The following SLC8A1 variants were observed in gnomAD, a reference collection of about 807,000 sequenced individuals.
SLC8A1 encodes the protein sodium/calcium exchanger 1.
In SLC8A1, 18 loss-of-function variants were observed where a neutral mutation model predicts 68.3. The observed-to-expected ratio is 0.26, with a 90% CI of 0.18 to 0.39. SLC8A1 has a LOEUF of 0.39. SLC8A1 is among the 10% of genes least tolerant of loss of function. The probability of loss-of-function intolerance (pLI) is 1.00; values close to 1 mark genes in which losing one functional copy is unlikely to be tolerated. For synonymous variants in SLC8A1, 475 were observed against 415.5 expected (o/e 1.14, Z -1.74); for missense variants, 985 against 1,156.7 (o/e 0.85, Z 2.15).
At chr2:40,278,542 T>C (rs1409829616) in intron 2 of SLC8A1, among the ~76,000 whole-genome samples, 2 of 150,130 alleles carry the variant, frequency 1.3e-5, no homozygotes, top group Admixed American at 1.3e-4. Flanking sequence ...AAGGGGAGAG[T>C]AGAGTAACTT....
chr2:40,249,339 T>C (rs1014477115), intron 2 of SLC8A1, among the ~76,000 whole-genome samples: 2 of 152,204 alleles, frequency 1.3e-5, no homozygotes, highest in African/African-American at 4.8e-5. Context: ...AGAACAGTGG[T>C]TGCAAAACTT....
rs1458243759 is a variant in SLC8A1 at position 40,446,518 on chromosome 2, C to CT, written c.-25+5385dup. On this transcript the variant is annotated intron_variant, in intron 1 of 7. Coordinates refer to ENST00000406785, the Ensembl canonical transcript of SLC8A1. ...CTTTCTGAATAAATTAAAATGCTTC[C>CT]TCCTCCGTGAAACCACGTCCAATGT... 10 of 152,306 alleles carry CT rather than the reference C, an allele frequency of 6.6e-5. No individual in the cohort carries two copies. In the South Asian group the frequency reaches 2.1e-3, roughly 32 times the overall value. 9.4% of individuals were successfully genotyped at this position (152,306 alleles called of 1,614,324 possible).
intron 6 of SLC8A1, among the ~76,000 whole-genome samples, chr2:40,152,294 T>G (rs970422692): frequency 6.6e-6 from 1 of 152,214 alleles, no homozygotes; most frequent in Non-Finnish European, 1.5e-5. Flanking sequence ...TATAGTTGTT[T>G]ATGTGCAATG....
chr2:40,213,602 C>T (rs2056977895), intron 2 of SLC8A1: 1 of 152,204 alleles, frequency 6.6e-6, no homozygotes. Flanking sequence ...TTCATTTCTT[C>T]ACAATTATGC....
At chr2:40,311,339 C>T (rs895383238) in intron 2 of SLC8A1, among the ~76,000 whole-genome samples, 6 of 151,816 alleles carry the variant, frequency 4.0e-5, no homozygotes, top group African/African-American at 1.2e-4. Context: ...TTTCTTCTAG[C>T]ATCATTGTAT....
At chr2:40,440,818 T>C (rs991546079) in intron 1 of SLC8A1, among the ~76,000 whole-genome samples, 3 of 152,176 alleles carry the variant, frequency 2.0e-5, no homozygotes, top group African/African-American at 4.8e-5. Flanking sequence ...CAATAGCCAA[T>C]ATCATACTGA....
At chr2:40,274,485 A>C (rs1574982919) in intron 2 of SLC8A1, among the ~76,000 whole-genome samples, 1 of 152,196 alleles carries the variant, frequency 6.6e-6, no homozygotes, top group Non-Finnish European at 1.5e-5. Flanking sequence ...AAACCGTTTA[A>C]CGCTTGTGTG....
At chr2:40,287,588 GT>G (rs2068535208) in intron 2 of SLC8A1, among the ~76,000 whole-genome samples, 4 of 120,446 alleles carry the variant, frequency 3.3e-5, no homozygotes, top group African/African-American at 1.6e-4. Flanking sequence ...AATGATGTGT[GT>G]GTGTGTGTGT....
At chr2:40,432,364 T>C (rs1291147224) in intron 1 of SLC8A1, among the ~76,000 whole-genome samples, 2 of 149,364 alleles carry the variant, frequency 1.3e-5, no homozygotes, top group African/African-American at 5.0e-5. Context: ...TACATGTGTG[T>C]GCAGAACAAT....
intron 2 of SLC8A1, among the ~76,000 whole-genome samples, chr2:40,293,372 A>C (rs1374683066): frequency 2.0e-5 from 3 of 152,202 alleles, no homozygotes; most frequent in Non-Finnish European, 4.4e-5. Context: ...ACTGCAAAAA[A>C]TTGACAGCCA....
intron 2 of SLC8A1, among the ~76,000 whole-genome samples, chr2:40,204,489 A>G (rs1392949193): frequency 6.6e-6 from 1 of 151,984 alleles, no homozygotes; most frequent in Non-Finnish European, 1.5e-5. Flanking sequence ...AAAAACAACC[A>G]TATGGACCTT....
intron 2 of SLC8A1, among the ~76,000 whole-genome samples, chr2:40,329,552 T>C (rs1365294116): frequency 1.3e-5 from 2 of 152,188 alleles, no homozygotes; most frequent in Non-Finnish European, 2.9e-5. Context: ...GAATAAGAGA[T>C]GGAAAGAGAA....
chr2:40,497,433 A>T (rs1313845547), intron 1 of SLC8A1, among the ~76,000 whole-genome samples: 2 of 152,042 alleles, frequency 1.3e-5, no homozygotes, highest in African/African-American at 4.8e-5. Context: ...ACATGTTGAC[A>T]ATATTAAGTA....
intron 2 of SLC8A1, among the ~76,000 whole-genome samples, chr2:40,411,526 ATT>A (rs1032322781): frequency 6.6e-6 from 1 of 151,960 alleles, no homozygotes; most frequent in South Asian, 2.1e-4. Context: ...GTGAGCCATG[ATT>A]TTTTTGCTTT....
At chr2:40,222,390 G>C (rs540570357) in intron 2 of SLC8A1, among the ~76,000 whole-genome samples, 1 of 152,240 alleles carries the variant, frequency 6.6e-6, no homozygotes, top group African/African-American at 2.4e-5. Context: ...ATGGATTAAA[G>C]ACTTCAGCAT....
chr2:40,249,585 A>G (rs1475493426), intron 2 of SLC8A1, among the ~76,000 whole-genome samples: 3 of 152,214 alleles, frequency 2.0e-5, no homozygotes, highest in African/African-American at 4.8e-5. Flanking sequence ...TAGAAGCACT[A>G]TTCTAGATGA....
At chr2:40,261,321 C>G (rs2064670266) in intron 2 of SLC8A1, among the ~76,000 whole-genome samples, 1 of 152,186 alleles carries the variant, frequency 6.6e-6, no homozygotes, top group South Asian at 2.1e-4. Flanking sequence ...CATTTTTCAG[C>G]TCTTTTCAGA....
At chr2:40,269,364 G>A (rs765663153) in intron 2 of SLC8A1, among the ~76,000 whole-genome samples, 44 of 152,116 alleles carry the variant, frequency 2.9e-4, no homozygotes, top group Admixed American at 7.2e-4. Flanking sequence ...ATAAAACACC[G>A]TGTGAATGTA....
At chr2:40,342,655 T>A (rs1043139694) in intron 2 of SLC8A1, among the ~76,000 whole-genome samples, 1 of 152,164 alleles carries the variant, frequency 6.6e-6, no homozygotes, top group African/African-American at 2.4e-5. Context: ...AGGGAACTTA[T>A]TTAAAAAGTG....
Sources: allele counts gnomAD v4.1 joint callset (sites outside exome capture counted in the v4.1 genomes callset), GRCh38; gene constraint gnomAD v4.1.1; transcripts MANE v1.5; gene names NCBI Gene and HGNC (gene_info 2026-07-23, HGNC 2026-07-21).